IL1RAPL2: variants seen among roughly 807,000 people sequenced by gnomAD.
IL1RAPL2 encodes the protein X-linked interleukin-1 receptor accessory protein-like 2.
IL1RAPL2 carries 3 observed loss-of-function variants against 44.1 expected under a neutral mutation model. That is an observed-to-expected ratio of 0.07 (90% CI 0.03 to 0.18). The LOEUF (loss-of-function observed/expected upper bound fraction) is 0.18. Among genes scored for constraint, IL1RAPL2 ranks in the 10% least tolerant of loss-of-function variants. The pLI is 1.00. For synonymous variants in IL1RAPL2, 181 were observed against 178.8 expected (o/e 1.01, Z -0.10); for missense variants, 391 against 496.4 (o/e 0.79, Z 2.02).
chrX:105,225,848 G>C (rs1441614381), intron 3 of IL1RAPL2, among the ~76,000 whole-genome samples: 1 of 109,274 alleles, frequency 9.2e-6, no homozygotes, highest in African/African-American at 3.3e-5. Context: ...CATCATACCC[G>C]GCTAATTTTT....
At chrX:105,328,148 C>A (rs2034955151) in intron 5 of IL1RAPL2, among the ~76,000 whole-genome samples, 1 of 111,619 alleles carries the variant, frequency 9.0e-6, no homozygotes, top group South Asian at 3.7e-4. Flanking sequence ...CTTTCCAGGG[C>A]AAAGAATTTG....
At chrX:104,763,587 T>C (rs1932503555) in intron 2 of IL1RAPL2, among the ~76,000 whole-genome samples, 1 of 111,572 alleles carries the variant, frequency 9.0e-6, no homozygotes, top group Admixed American at 9.5e-5. Context: ...ATGTCCCAGA[T>C]TGGGTAATTT....
intron 2 of IL1RAPL2, among the ~76,000 whole-genome samples, chrX:104,930,366 G>A (rs1393988085): frequency 8.9e-6 from 1 of 112,093 alleles, no homozygotes; most frequent in Non-Finnish European, 1.9e-5. Flanking sequence ...GTAAGTTGTG[G>A]CTTAGTCTGT....
intron 2 of IL1RAPL2, among the ~76,000 whole-genome samples, chrX:104,981,055 TTG>T (rs199571900): frequency 0.014 from 1,409 of 97,182 alleles, 14 homozygotes; most frequent in East Asian, 0.078. Context: ...TTCCAAGGTA[TTG>T]TGTGTGTGTG....
chrX:104,898,168 G>T (rs1228136594), intron 2 of IL1RAPL2, among the ~76,000 whole-genome samples: 3 of 112,159 alleles, frequency 2.7e-5, no homozygotes, highest in Non-Finnish European at 1.9e-5. Flanking sequence ...AACTGGGTTA[G>T]GTAGTGAATC....
rs1034814852 is a variant in IL1RAPL2 at position 105,270,462 on chromosome X, A to T, written c.697+2921A>T. 4.5e-5 allele frequency among the ~76,000 whole-genome samples: 5 copies of T among 111,996 alleles called. No individual in the cohort carries two copies. In the East Asian group the frequency reaches 1.1e-3, roughly 25 times the overall value. On this transcript the variant is annotated intron_variant, in intron 5 of 10. Transcript: ENST00000372582. ...AATCATTTATTCACTTACCACTTAA[A>T]TAAATATTTACTGAGTACATGTTAC...
intron 2 of IL1RAPL2, among the ~76,000 whole-genome samples, chrX:104,942,850 T>C (rs1252812345): frequency 1.8e-5 from 2 of 111,636 alleles, no homozygotes; most frequent in African/African-American, 3.3e-5. Flanking sequence ...ATAGCTCTTA[T>C]TATTTTGAGA....
intron 5 of IL1RAPL2, among the ~76,000 whole-genome samples, chrX:105,323,872 T>TCTCA (rs2034915030): frequency 9.8e-6 from 1 of 102,490 alleles, no homozygotes; most frequent in African/African-American, 3.6e-5. Context: ...TGAGACTCTG[T>TCTCA]CACACACACA....
intron 3 of IL1RAPL2, among the ~76,000 whole-genome samples, chrX:105,232,440 G>T (rs1261866930): frequency 2.7e-5 from 3 of 111,794 alleles, no homozygotes; most frequent in Non-Finnish European, 5.6e-5. Context: ...GCCACCCTTG[G>T]CAATTTTAGT....
intron 2 of IL1RAPL2, among the ~76,000 whole-genome samples, chrX:104,844,765 A>G (rs1210680979): frequency 8.9e-6 from 1 of 111,732 alleles, no homozygotes; most frequent in Non-Finnish European, 1.9e-5. Flanking sequence ...TTCCAAATGA[A>G]ATGTCTCAGA....
intron 2 of IL1RAPL2, among the ~76,000 whole-genome samples, chrX:104,760,557 C>T (rs5917139): frequency 0.55 from 60,307 of 110,490 alleles, 12,976 homozygotes; most frequent in African/African-American, 0.81. Flanking sequence ...ATTTTTATGT[C>T]CCTACTTGCC....
At chrX:104,679,720 C>A (rs1192208334) in intron 2 of IL1RAPL2, among the ~76,000 whole-genome samples, 1 of 111,715 alleles carries the variant, frequency 9.0e-6, no homozygotes, top group African/African-American at 3.3e-5. Flanking sequence ...GCCATTTTCA[C>A]ATTCTTGATT....
At chrX:104,961,071 A>T (rs988493498) in intron 2 of IL1RAPL2, among the ~76,000 whole-genome samples, 15 of 110,597 alleles carry the variant, frequency 1.4e-4, no homozygotes, top group African/African-American at 4.9e-4. Flanking sequence ...GTAACAGATT[A>T]AAAAAAAAGA....
chrX:104,819,691 T>C (rs1921246419), intron 2 of IL1RAPL2, among the ~76,000 whole-genome samples: 1 of 111,975 alleles, frequency 8.9e-6, no homozygotes, highest in Non-Finnish European at 1.9e-5. Flanking sequence ...CATGTGTGCT[T>C]AAAGGAGAAA....
At chrX:105,102,382 T>C (rs1359638613) in intron 2 of IL1RAPL2, among the ~76,000 whole-genome samples, 1 of 111,990 alleles carries the variant, frequency 8.9e-6, no homozygotes, top group African/African-American at 3.2e-5. Context: ...GCACAAATGC[T>C]ATATCATTCT....
intron 2 of IL1RAPL2, among the ~76,000 whole-genome samples, chrX:104,904,630 A>C (rs1480974457): frequency 9.1e-6 from 1 of 109,450 alleles, no homozygotes; most frequent in Non-Finnish European, 1.9e-5. Flanking sequence ...AAGGACATGA[A>C]CTCATCCTTT....
intron 2 of IL1RAPL2, among the ~76,000 whole-genome samples, chrX:105,077,973 C>T (rs935861155): frequency 7.2e-5 from 8 of 111,375 alleles, no homozygotes; most frequent in African/African-American, 2.0e-4. Context: ...ACTTCTTTGC[C>T]ATTGATTTGA....
At chrX:104,714,514 G>T (rs778626144) in intron 2 of IL1RAPL2, among the ~76,000 whole-genome samples, 1 of 110,884 alleles carries the variant, frequency 9.0e-6, no homozygotes, top group East Asian at 2.9e-4. Context: ...CCTGTTAAGT[G>T]GTGCCTTTTG....
At chrX:104,833,495 A>AT (rs769839158) in intron 2 of IL1RAPL2, among the ~76,000 whole-genome samples, 3 of 111,655 alleles carry the variant, frequency 2.7e-5, no homozygotes, top group Admixed American at 9.6e-5. Context: ...TCATTTGGTT[A>AT]TTTTTTTTAA....
Sources: allele counts gnomAD v4.1 joint callset (sites outside exome capture counted in the v4.1 genomes callset), GRCh38; gene constraint gnomAD v4.1.1; transcripts MANE v1.5; gene names NCBI Gene and HGNC (gene_info 2026-07-23, HGNC 2026-07-21).